The following ATP9B variants were observed in gnomAD, a reference collection of about 807,000 sequenced individuals.
The protein encoded by ATP9B is probable phospholipid-transporting ATPase IIB.
Under a neutral mutation model 146.1 loss-of-function variants are expected in ATP9B, and 110 were observed. That is an observed-to-expected ratio of 0.75 (90% CI 0.65 to 0.88). ATP9B has a LOEUF of 0.88. ATP9B is among the 40% of genes least tolerant of loss of function. The probability of loss-of-function intolerance (pLI) is 0.00; values close to 1 mark genes in which losing one functional copy is unlikely to be tolerated. For synonymous variants in ATP9B, 604 were observed against 569.7 expected, an observed-to-expected ratio of 1.06 and a Z score of -0.86; for missense variants, 1,499 against 1,496.4, an observed-to-expected ratio of 1.00 and a Z score of -0.03.
chr18:79,076,856 G>T (rs1352293808), intron 1 of ATP9B, among the ~76,000 whole-genome samples: 1 of 151,874 alleles, frequency 6.6e-6, no homozygotes, highest in Non-Finnish European at 1.5e-5. Flanking sequence ...GTTCATATTG[G>T]GCAGTTTCTG....
At chr18:79,376,414 A>T in intron 29 of ATP9B, 5 of 976,720 alleles carry the variant, frequency 5.1e-6, no homozygotes, top group Non-Finnish European at 6.1e-6. Context: ...TTTGAGACGA[A>T]GTCTCACTCT....
intron 7 of ATP9B, among the ~76,000 whole-genome samples, chr18:79,167,985 G>T (rs1418573141): frequency 2.6e-5 from 4 of 152,200 alleles, no homozygotes; most frequent in Non-Finnish European, 5.9e-5. Flanking sequence ...GGGCCAAGCC[G>T]GCAGAGTGCC....
In ATP9B at chr18:79,177,393, G is replaced by A. The variant is rs932889528; in HGVS notation, c.873+486G>A. Among the ~76,000 whole-genome samples the A allele has an allele frequency of 2.3e-4, 35 of 151,710 alleles. 1 individual carries two copies. Among genetic ancestry groups the A allele is most frequent in the African/African-American group, 7.7e-4 (32 of 41,328 alleles). On this transcript the variant is annotated intron_variant, in intron 8 of 29. Coordinates refer to ENST00000426216, the MANE Select transcript of ATP9B (RefSeq NM_198531.5). ...TGGGAGTACAGGTGCACACCACCAC[G>A]CCCAGCCAGTTCTTAATTTTTTTTT...
At chr18:79,365,029 C>CA (rs78974768) in intron 26 of ATP9B, among the ~76,000 whole-genome samples, 71,816 of 144,880 alleles carry the variant, frequency 0.5, 17,280 homozygotes, top group East Asian at 0.61. Context: ...GACCTTGTCT[C>CA]AAAAAAAAAA....
chr18:79,307,089 A>G lies in ATP9B; in HGVS notation c.1628A>G (p.Glu543Gly). Residue 543 changes from glutamate (E) to glycine (G), a missense_variant, in exon 15 of 30, where the codon GAA (glutamate) becomes GGA (glycine). Physicochemically the swap from Glu to Gly is moderately conservative, Grantham distance 98. Coordinates refer to ENST00000426216, the MANE Select transcript of ATP9B (RefSeq NM_198531.5). ...VRKSVSSRIH[E>G]AVKAIVLCHN... ...AAAAGTGTCAGTAGTCGAATCCATGAAGCCGTGAAAGCCATCGTGCTGTGT... is the reference window on the plus strand; with the variant it reads ...AAAAGTGTCAGTAGTCGAATCCATGGAGCCGTGAAAGCCATCGTGCTGTGT... 1.2e-6 allele frequency: 2 copies of G among 1,614,242 alleles called. No homozygotes were observed. The highest frequency in any genetic ancestry group is 1.7e-6 in the Non-Finnish European group (2 of 1,180,044).
intron 13 of ATP9B, among the ~76,000 whole-genome samples, chr18:79,287,742 T>A (rs2096459768): frequency 6.6e-6 from 1 of 152,144 alleles, no homozygotes; most frequent in African/African-American, 2.4e-5. Context: ...CTGCTTTCTC[T>A]TGTGGGCATT....
intron 4 of ATP9B, among the ~76,000 whole-genome samples, chr18:79,122,692 CT>C (rs1243881580): frequency 5.9e-5 from 9 of 152,076 alleles, no homozygotes; most frequent in Non-Finnish European, 1.0e-4. Flanking sequence ...TTTCTTAGAA[CT>C]TTTTTGGGGA....
intron 11 of ATP9B, among the ~76,000 whole-genome samples, chr18:79,240,677 G>A (rs1429620110): frequency 6.6e-6 from 1 of 152,226 alleles, no homozygotes; most frequent in Non-Finnish European, 1.5e-5. Context: ...CCTGGGAGGT[G>A]GAGGTTGCGG....
intron 4 of ATP9B, among the ~76,000 whole-genome samples, chr18:79,125,106 G>A (rs1222146402): frequency 8.5e-5 from 13 of 152,224 alleles, no homozygotes; most frequent in Non-Finnish European, 1.9e-4. Context: ...AGTGGTGGAA[G>A]GAAATTGTGG....
chr18:79,241,839 A>C (rs925014939), intron 11 of ATP9B, among the ~76,000 whole-genome samples: 1 of 152,212 alleles, frequency 6.6e-6, no homozygotes, highest in Non-Finnish European at 1.5e-5. Context: ...CGCCAAACAC[A>C]AGGGCTTCCT....
At chr18:79,104,157 A>C (rs552780665) in intron 2 of ATP9B, among the ~76,000 whole-genome samples, 2 of 152,282 alleles carry the variant, frequency 1.3e-5, no homozygotes, top group South Asian at 4.2e-4. Flanking sequence ...TTTGAAGTGG[A>C]ATAGCTCTGT....
intron 15 of ATP9B, among the ~76,000 whole-genome samples, chr18:79,310,209 C>T (rs1457497735): frequency 1.3e-5 from 2 of 152,152 alleles, no homozygotes; most frequent in African/African-American, 4.8e-5. Flanking sequence ...AGGGACAGAC[C>T]GTAGCCGCCA....
At chr18:79,156,901 C>G (rs1034430692) in intron 7 of ATP9B, among the ~76,000 whole-genome samples, 1 of 152,226 alleles carries the variant, frequency 6.6e-6, no homozygotes, top group African/African-American at 2.4e-5. Flanking sequence ...CAGACTGCTG[C>G]GTGGGAGAAG....
At chr18:79,342,044 A>G (rs1313788849) in intron 19 of ATP9B, among the ~76,000 whole-genome samples, 1 of 152,172 alleles carries the variant, frequency 6.6e-6, no homozygotes, top group Non-Finnish European at 1.5e-5. Context: ...ACTCAGCGTA[A>G]TGTCCTCAAG....
intron 1 of ATP9B, among the ~76,000 whole-genome samples, chr18:79,071,049 C>CTTTTTTCT (rs1555723402): frequency 5.7e-4 from 64 of 112,370 alleles, no homozygotes; most frequent in African/African-American, 7.7e-4. Context: ...ATTCCTGTTT[C>CTTTTTTCT]TTTTTTTTTT....
Position 79,069,431 on chromosome 18 carries a change from T to G in ATP9B, c.21T>G (p.Leu7=). Reference sequence around the variant, plus strand: ...GGAACATGGCGGACCAGATCCCGCTTTACCCGGTGCGTAGCGCAGCGGCGG... The same window carrying G: ...GGAACATGGCGGACCAGATCCCGCTGTACCCGGTGCGTAGCGCAGCGGCGG... MADQIP[L]YPVRSAAAAA... Residue 7 remains leucine (L), a synonymous_variant, in exon 1 of 30, where the codon CTT becomes CTG. Coordinates refer to ENST00000426216, the MANE Select transcript of ATP9B (RefSeq NM_198531.5). 1.3e-6 allele frequency: 2 copies of G among 1,521,008 alleles called. No homozygotes were observed. The highest frequency in any genetic ancestry group is 1.8e-6 in the Non-Finnish European group (2 of 1,138,250). 94.2% of individuals were successfully genotyped at this position (1,521,008 alleles called of 1,614,324 possible). A position where few individuals can be genotyped will look rare whatever the true frequency, so the allele number is the denominator to read the frequency against.
At chr18:79,204,196 GA>G (rs781012960) in intron 9 of ATP9B, among the ~76,000 whole-genome samples, 1 of 152,114 alleles carries the variant, frequency 6.6e-6, no homozygotes, top group African/African-American at 2.4e-5. Context: ...ATTTTCTGTG[GA>G]AAAAACAAGA....
At chr18:79,084,637 GTTA>G (rs1306709092) in intron 1 of ATP9B, among the ~76,000 whole-genome samples, 1 of 152,064 alleles carries the variant, frequency 6.6e-6, no homozygotes, top group African/African-American at 2.4e-5. Context: ...AAACTAAATA[GTTA>G]TTAGAAAAAC....
intron 13 of ATP9B, among the ~76,000 whole-genome samples, chr18:79,286,921 T>G (rs535944356): frequency 2.2e-4 from 34 of 152,380 alleles, no homozygotes; most frequent in African/African-American, 7.7e-4. Flanking sequence ...GGATTACATT[T>G]ATTGATTTGC....
Sources: gnomAD v4.1 joint callset for allele counts (sites outside exome capture counted in the v4.1 genomes callset) on GRCh38, gnomAD v4.1.1 for gene constraint, MANE v1.5 for transcripts, NCBI Gene and HGNC (gene_info 2026-07-23, HGNC 2026-07-21) for gene names.